SRM: variants seen among roughly 807,000 people sequenced by gnomAD.
SRM encodes the protein putrescine aminopropyltransferase.
In SRM, 14 loss-of-function variants were observed where a neutral mutation model predicts 39.3. The observed-to-expected ratio is 0.36, with a 90% CI of 0.24 to 0.56. SRM has a LOEUF of 0.56. SRM is among the 20% of genes least tolerant of loss of function. SRM has a pLI of 0.86. For missense variants in SRM, 244 were observed against 409.2 expected (o/e 0.60, Z 3.48); for synonymous variants, 195 against 173.1 (o/e 1.13, Z -0.99).
intron 3 of SRM, 176 bp downstream of exon 3, chr1:11,058,624 C>T: frequency 2.0e-6 from 1 of 505,622 alleles, no homozygotes; most frequent in East Asian, 3.3e-5. Context: ...CAGGTGCCCT[C>T]ACCACCTGCC....
At position 11,059,290 on chromosome 1, in the gene SRM, C is replaced by T. The variant is rs1237154250; in HGVS notation, c.223G>A (p.Asp75Asn). The change falls in exon 2 of 8, where the codon GAC becomes AAC. Residue 75 changes from aspartate to asparagine, a missense_variant. By Grantham distance (23) the Asp-to-Asn change is conservative. Transcript: ENST00000376957. Reference protein sequence around the residue: ...LDGVIQCTERDEFSYQEMIAN... With the variant: ...LDGVIQCTERNEFSYQEMIAN... The stretch of plus-strand genomic sequence containing the variant: ...ATCATCTCCTGGTAGGAGAACTCGT[C>T]TCTCTCCGTGCACTGGATGACACCG... 6.2e-7 allele frequency: 1 copy of T among 1,613,706 alleles called. No homozygotes were observed. The highest frequency in any genetic ancestry group is 8.5e-7 in the Non-Finnish European group (1 of 1,180,000).
At chr1:11,059,409 G>T (rs1638936917) in intron 1 of SRM, 64 bp from the exon 2 acceptor site, 1 of 1,598,358 alleles carries the variant, frequency 6.3e-7, no homozygotes, top group East Asian at 2.2e-5. Flanking sequence ...ACCCCAAGCC[G>T]CCCTGGGTGA....
At chr1:11,056,507 G>T in intron 4 of SRM, 97 bp downstream of exon 4, 2 of 1,450,858 alleles carry the variant, frequency 1.4e-6, no homozygotes, top group Non-Finnish European at 1.9e-6. Flanking sequence ...AGTTCGGGGG[G>T]TGGGAGGCCG....
chr1:11,059,373 T>G, intron 1 of SRM, 28 bp from the exon 2 acceptor site: 1 of 1,610,070 alleles, frequency 6.2e-7, no homozygotes. Context: ...GTCGGGGACC[T>G]GGGTTCTCTG....
chr1:11,057,615 C>T (rs545971961), intron 3 of SRM, among the ~76,000 whole-genome samples: 1 of 150,892 alleles, frequency 6.6e-6, no homozygotes, highest in Non-Finnish European at 1.5e-5. Flanking sequence ...AGAACCTCCC[C>T]CTCCCTGCAC....
At chr1:11,055,706 C>T (rs1359288101) in intron 6 of SRM, 75 bp downstream of exon 6, 43 of 1,471,458 alleles carry the variant, frequency 2.9e-5, no homozygotes, top group East Asian at 2.7e-4. Flanking sequence ...TGAGCCACCG[C>T]GCCCGGCAGG....
chr1:11,059,594 C>T (rs1638941121), intron 1 of SRM, 183 bp downstream of exon 1: 2 of 928,654 alleles, frequency 2.2e-6, no homozygotes, highest in East Asian at 5.4e-5. Context: ...CCGACTCCCC[C>T]ACCCAAGAGG....
At chr1:11,058,334 G>T (rs1384422444) in intron 3 of SRM, among the ~76,000 whole-genome samples, 1 of 152,050 alleles carries the variant, frequency 6.6e-6, no homozygotes, top group African/African-American at 2.4e-5. Flanking sequence ...GACGAGGCTG[G>T]CGGATCACCT....
intron 4 of SRM, 61 bp downstream of exon 4, chr1:11,056,543 G>C: frequency 2.5e-6 from 4 of 1,601,074 alleles, no homozygotes; most frequent in African/African-American, 1.3e-5. Flanking sequence ...TGAAGGCCTG[G>C]GGGAGGCTGA....
At chr1:11,058,561 C>CA (rs55958066) in intron 3 of SRM, 10,652 of 182,686 alleles carry the variant, frequency 0.058, 32 homozygotes, top group Non-Finnish European at 0.064. Context: ...AACTCTGTCT[C>CA]AAAAAAAAAA....
At chr1:11,056,218 C>T (rs192727206) in intron 4 of SRM, 124 bp from the exon 5 acceptor site, 19 of 879,218 alleles carry the variant, frequency 2.2e-5, no homozygotes, top group Admixed American at 1.8e-4. Flanking sequence ...GGATCCACAC[C>T]TGAATCCCAT....
At chr1:11,057,877 C>G (rs996880857) in intron 3 of SRM, among the ~76,000 whole-genome samples, 1 of 152,096 alleles carries the variant, frequency 6.6e-6, no homozygotes, top group African/African-American at 2.4e-5. Flanking sequence ...CTCCCGGGCT[C>G]AAGTAATTCT....
intron 3 of SRM, 79 bp downstream of exon 3, chr1:11,058,720 CG>C (rs1233921477): frequency 3.9e-6 from 5 of 1,284,252 alleles, no homozygotes; most frequent in Non-Finnish European, 5.4e-6. Context: ...CTGCCTTGCT[CG>C]GGGGTGTGCA....
chr1:11,056,554 C>A, intron 4 of SRM, 50 bp downstream of exon 4: 1 of 1,608,420 alleles, frequency 6.2e-7, no homozygotes, highest in East Asian at 2.2e-5. Context: ...GGGAGGCTGA[C>A]CTCCAGACCT....
At chr1:11,057,609 C>A (rs1468680364) in intron 3 of SRM, among the ~76,000 whole-genome samples, 1 of 150,604 alleles carries the variant, frequency 6.6e-6, no homozygotes, top group Non-Finnish European at 1.5e-5. Flanking sequence ...GCCAGGAGAA[C>A]CTCCCCCTCC....
chr1:11,055,336 T>C (rs1457841731), intron 6 of SRM: 1 of 431,116 alleles, frequency 2.3e-6, no homozygotes, highest in Non-Finnish European at 4.0e-6. Flanking sequence ...CTTGTACTCC[T>C]GACCTCAAGT....
chr1:11,055,115 G>A, intron 6 of SRM, 31 bp from the exon 7 acceptor site: 1 of 1,553,238 alleles, frequency 6.4e-7, no homozygotes, highest in Non-Finnish European at 8.6e-7. Flanking sequence ...ACATCAGGGG[G>A]GGCACTTTTT....
chr1:11,054,876 C>CA lies in SRM; in HGVS notation c.897dup (p.Asp300Ter), dbSNP rs750806475. On this transcript the variant is annotated frameshift_variant, in exon 8 of 8. Transcript: ENST00000376957. LOFTEE classifies it high-confidence loss of function. The surrounding 1 kb of genome is among the most constrained non-coding windows in gnomAD (Gnocchi z 4.8). The stretch of plus-strand genomic sequence containing the variant: ...GGTGGCGCCTGGGCTCAGCTCACAT[C>CA]ATTCAGGGCCTGGAGGGACATGAGG... 1 of 1,609,444 alleles carries CA rather than the reference C, an allele frequency of 6.2e-7. No individual in the cohort carries two copies. Among genetic ancestry groups the CA allele is most frequent in the Non-Finnish European group, 8.5e-7 (1 of 1,178,276 alleles).
chr1:11,057,512 C>T lies in SRM; in HGVS notation c.382-755G>A, dbSNP rs371138195. On this transcript the variant is annotated intron_variant, in intron 3 of 7. Transcript: ENST00000376957. ...TAGAGACCTTGTGATCTGCCCGCCT[C>T]AGCCTCCCAGAGTGCTGAGATTACA... 7.4e-5 allele frequency among the ~76,000 whole-genome samples: 11 copies of T among 148,294 alleles called. No homozygotes were observed. The East Asian group carries it at 2.2e-3, about 30-fold the overall frequency.
Sources: allele counts gnomAD v4.1 joint callset (sites outside exome capture counted in the v4.1 genomes callset), GRCh38; gene constraint gnomAD v4.1.1; non-coding constraint Gnocchi (gnomAD v3.1); transcripts MANE v1.5; gene names NCBI Gene and HGNC (gene_info 2026-07-23, HGNC 2026-07-21).